SLC4A4: variants seen among roughly 807,000 people sequenced by gnomAD.
The protein encoded by SLC4A4 is electrogenic sodium bicarbonate cotransporter 1.
SLC4A4 carries 27 observed loss-of-function variants against 111.5 expected under a neutral mutation model. That is an observed-to-expected ratio of 0.24 (90% CI 0.18 to 0.33). The LOEUF (loss-of-function observed/expected upper bound fraction) is 0.33, where lower values mean the gene tolerates loss of function less well. Among genes scored for constraint, SLC4A4 ranks in the 10% least tolerant of loss-of-function variants. SLC4A4 has a pLI of 1.00. For missense variants in SLC4A4, 909 were observed against 1,315.5 expected (o/e 0.69, Z 4.78); for synonymous variants, 443 against 463.4 (o/e 0.96, Z 0.57).
At chr4:71,246,780 G>C (rs1296009165) in intron 2 of SLC4A4, among the ~76,000 whole-genome samples, 1 of 152,126 alleles carries the variant, frequency 6.6e-6, no homozygotes, top group Non-Finnish European at 1.5e-5. Context: ...GGAGGGATGG[G>C]TGGAGGACTG....
At chr4:71,465,626 T>A (rs1415668957) in intron 12 of SLC4A4, among the ~76,000 whole-genome samples, 1 of 151,886 alleles carries the variant, frequency 6.6e-6, no homozygotes, top group Non-Finnish European at 1.5e-5. Flanking sequence ...TTTGTCATCC[T>A]TGAAAGCATT....
upstream of SLC4A4, among the ~76,000 whole-genome samples, chr4:71,185,666 T>C (rs1745428942): frequency 6.6e-6 from 1 of 152,230 alleles, no homozygotes; most frequent in South Asian, 2.1e-4. Flanking sequence ...ACAGGCTCCA[T>C]ACCTGCTTTC....
At chr4:71,133,574 C>T (rs1376457051) in intron 2 of SLC4A4, among the ~76,000 whole-genome samples, 1 of 152,166 alleles carries the variant, frequency 6.6e-6, no homozygotes, top group Non-Finnish European at 1.5e-5. Flanking sequence ...ATTATGGCTG[C>T]CTTCCTCCAG....
At position 71,105,643 on chromosome 4, in the gene SLC4A4, A is replaced by T. The variant is rs1397319087; in HGVS notation, c.-2+12851A>T. 2.9e-5 allele frequency among the ~76,000 whole-genome samples: 4 copies of T among 137,914 alleles called. No homozygotes were observed. The East Asian group carries it at 8.7e-4, about 30-fold the overall frequency. The allele number at this position is 137,914 out of a possible 152,430, so 90.5% of individuals were successfully genotyped here. On this transcript the variant is annotated intron_variant, in intron 2 of 26. Coordinates refer to the SLC4A4 transcript ENST00000649996. ...CATATCTACAACTATCTGATCTTTG[A>T]CAAACCTGAGAAAAACAAGCAATGG...
upstream of SLC4A4, chr4:71,186,938 TAC>T (rs1745474980): frequency 6.6e-6 from 1 of 152,380 alleles, no homozygotes; most frequent in Non-Finnish European, 1.5e-5. Context: ...CCCGCGCTCT[TAC>T]ACACTCGCTC....
chr4:71,068,210 A>G (rs112131950), intron 1 of SLC4A4, among the ~76,000 whole-genome samples: 2 of 151,978 alleles, frequency 1.3e-5, no homozygotes, highest in African/African-American at 4.8e-5. Context: ...GATTACAGGC[A>G]AGTGCCACCA....
At chr4:71,500,456 T>A (rs1179940126) in intron 16 of SLC4A4, among the ~76,000 whole-genome samples, 1 of 152,136 alleles carries the variant, frequency 6.6e-6, no homozygotes, top group African/African-American at 2.4e-5. Flanking sequence ...TCAGGTCTTA[T>A]ATTTAAGTCT....
At chr4:71,527,309 G>C (rs1156818799) in intron 16 of SLC4A4, among the ~76,000 whole-genome samples, 1 of 152,050 alleles carries the variant, frequency 6.6e-6, no homozygotes, top group East Asian at 1.9e-4. Flanking sequence ...CAATGGAGGT[G>C]ATGAGAAGTG....
intron 16 of SLC4A4, among the ~76,000 whole-genome samples, chr4:71,500,131 A>T (rs573475639): frequency 6.6e-6 from 1 of 152,274 alleles, no homozygotes; most frequent in Admixed American, 6.5e-5. Context: ...AACAGGTGTG[A>T]GGTCATATCT....
At chr4:71,462,012 T>A (rs529291984) in intron 12 of SLC4A4, among the ~76,000 whole-genome samples, 1 of 152,190 alleles carries the variant, frequency 6.6e-6, no homozygotes, top group East Asian at 1.9e-4. Context: ...AGGCTTTTTT[T>A]TACCTGTTTC....
chr4:71,480,975 C>T (rs1170103352), intron 14 of SLC4A4, among the ~76,000 whole-genome samples: 1 of 151,778 alleles, frequency 6.6e-6, no homozygotes, highest in Admixed American at 6.6e-5. Context: ...TTCTCCAGGT[C>T]ACAGAGCTAG....
intron 6 of SLC4A4, among the ~76,000 whole-genome samples, chr4:71,378,727 C>T (rs537157196): frequency 2.0e-5 from 3 of 152,142 alleles, no homozygotes; most frequent in Non-Finnish European, 2.9e-5. Flanking sequence ...AGCAAACTGT[C>T]GAATTTTACT....
intron 3 of SLC4A4, among the ~76,000 whole-genome samples, chr4:71,262,642 AATT>A (rs764175278): frequency 2.6e-5 from 4 of 152,134 alleles, no homozygotes; most frequent in Non-Finnish European, 4.4e-5. Context: ...TCTTATTTGG[AATT>A]TCAGCGTTAA....
At chr4:71,370,840 G>T (rs1731804813) in intron 6 of SLC4A4, among the ~76,000 whole-genome samples, 1 of 152,192 alleles carries the variant, frequency 6.6e-6, no homozygotes, top group South Asian at 2.1e-4. Flanking sequence ...AAAGTGTTCA[G>T]TTTGCGGATG....
Position 71,547,679 on chromosome 4 carries a change from A to C in SLC4A4, c.2653A>C (p.Ile885Leu), listed in dbSNP as rs753232968. The change falls in exon 20 of 26, where the codon ATT becomes CTT. Residue 885 changes from isoleucine to leucine, a missense_variant. Transcript: ENST00000264485. ...EQRVTGTLVF[I>L]LTGLSVFMAP... Reference sequence around the variant, plus strand: ...AAGAGTCACTGGAACCCTTGTGTTTATTCTGACTGGTCTGTCAGTCTTTAT... The same window carrying C: ...AAGAGTCACTGGAACCCTTGTGTTTCTTCTGACTGGTCTGTCAGTCTTTAT... The C allele has an allele frequency of 1.9e-6, 3 of 1,612,078 alleles. No homozygotes were observed. In the Admixed American group the frequency reaches 5.0e-5, roughly 27 times the overall value.
intron 17 of SLC4A4, among the ~76,000 whole-genome samples, chr4:71,533,247 A>T (rs1192143668): frequency 2.6e-5 from 4 of 152,176 alleles, no homozygotes. Context: ...CATTTGAGTT[A>T]ATATTTATTG....
chr4:71,106,674 C>G, intron 2 of SLC4A4, among the ~76,000 whole-genome samples: 1 of 144,424 alleles, frequency 6.9e-6, no homozygotes, highest in Non-Finnish European at 1.5e-5. Flanking sequence ...ATTGCAAGAA[C>G]AAAAAACCAA....
chr4:71,075,462 C>T (rs1657215553), intron 1 of SLC4A4, among the ~76,000 whole-genome samples: 1 of 152,192 alleles, frequency 6.6e-6, no homozygotes, highest in Admixed American at 6.5e-5. Flanking sequence ...TCGTGATCTC[C>T]AGCTTCACTT....
In SLC4A4 at chr4:71,465,492, G is replaced by A. The variant is rs190122497; in HGVS notation, c.1498-952G>A. Among the ~76,000 whole-genome samples the A allele has an allele frequency of 2.0e-3, 298 of 149,494 alleles. 2 individuals carry two copies. The highest frequency in any genetic ancestry group is 6.8e-3 in the African/African-American group (277 of 40,852). On this transcript the variant is annotated intron_variant, in intron 12 of 25. Transcript: ENST00000264485. Reference sequence around the variant, plus strand: ...TCTATAGGTTGGTGCAAAAGTAATCGCGGTTTTTGCCATTACCCTAATTAT... The same window carrying A: ...TCTATAGGTTGGTGCAAAAGTAATCACGGTTTTTGCCATTACCCTAATTAT...
Sources: allele counts gnomAD v4.1 joint callset (sites outside exome capture counted in the v4.1 genomes callset), GRCh38; gene constraint gnomAD v4.1.1; transcripts MANE v1.5; gene names NCBI Gene and HGNC (gene_info 2026-07-23, HGNC 2026-07-21).